Variants in PSG2 observed in about 807,000 individuals in gnomAD.
The protein encoded by PSG2 is pregnancy-specific beta-1-glycoprotein 2.
In PSG2, 49 loss-of-function variants were observed where a neutral mutation model predicts 36.2. The observed-to-expected ratio is 1.35, with a 90% CI of 1.08 to 1.72. The LOEUF (loss-of-function observed/expected upper bound fraction) is 1.72, where lower values mean the gene tolerates loss of function less well. PSG2 is among the 40% of genes most tolerant of loss of function. PSG2 has a pLI of 0.00. For synonymous variants in PSG2, 261 were observed against 155.6 expected (o/e 1.68, Z -5.04); for missense variants, 605 against 407.2 (o/e 1.49, Z -4.18).
Position 43,071,753 on chromosome 19 carries a change from C to G in PSG2, c.911G>C (p.Arg304Pro). Reference protein sequence around the residue: ...KHSGLYVCSVRNSATGEESST... With the variant: ...KHSGLYVCSVPNSATGEESST... ...GCTTTCCTCGCCAGTGGCTGAGTTA[C>G]GAACAGAGCAAACATAGAGCCCGCT... Residue 304 changes from arginine (R) to proline (P), a missense_variant, in exon 4 of 6, where the codon CGT becomes CCT. By Grantham distance (103) the Arg-to-Pro change is moderately radical (BLOSUM62 -2). Transcript: ENST00000406487. 2 of 1,612,708 alleles carry G rather than the reference C, an allele frequency of 1.2e-6. No homozygotes were observed. Among genetic ancestry groups the G allele is most frequent in the Non-Finnish European group, 8.5e-7 (1 of 1,179,352 alleles).
intron 3 of PSG2, among the ~76,000 whole-genome samples, chr19:43,074,831 C>T (rs1967867802): frequency 1.3e-5 from 2 of 151,716 alleles, no homozygotes; most frequent in South Asian, 2.1e-4. Context: ...ATTGCTGGAA[C>T]TTCCCATCAA....
chr19:43,069,441 A>T (rs1204009780), intron 4 of PSG2, among the ~76,000 whole-genome samples: 1 of 151,746 alleles, frequency 6.6e-6, no homozygotes, highest in Non-Finnish European at 1.5e-5. Flanking sequence ...GAGGACTCAC[A>T]CTTTCTGATT....
At chr19:43,067,736 G>A (rs1273637027) in intron 4 of PSG2, among the ~76,000 whole-genome samples, 4 of 151,370 alleles carry the variant, frequency 2.6e-5, no homozygotes, top group Non-Finnish European at 4.4e-5. Flanking sequence ...GTTCCTCTGT[G>A]TGTGGCATCT....
chr19:43,081,303 A>T lies in PSG2; in HGVS notation c.65-57T>A. On this transcript the variant is annotated intron_variant, in intron 1 of 5. Coordinates refer to ENST00000406487, the MANE Select transcript of PSG2 (RefSeq NM_031246.4). ...GAGACCTATGTATTGGGGTGAAAAG[A>T]TGGGGCCCTGGGTCCTGAGGAGGTC... 6 of 1,565,128 alleles carry T rather than the reference A, an allele frequency of 3.8e-6. No individual in the cohort carries two copies. In the South Asian group the frequency reaches 4.9e-5, roughly 13 times the overall value.
chr19:43,073,899 A>G (rs1165349540), intron 3 of PSG2, among the ~76,000 whole-genome samples: 3 of 151,754 alleles, frequency 2.0e-5, no homozygotes, highest in Non-Finnish European at 4.4e-5. Context: ...TGAAAGATTC[A>G]AAATCTAAAA....
chr19:43,082,048 C>T (rs1967984724), intron 1 of PSG2: 1 of 155,198 alleles, frequency 6.4e-6, no homozygotes, highest in Non-Finnish European at 1.4e-5. Flanking sequence ...GTTTTGACCC[C>T]TGTCCCTCTC....
intron 2 of PSG2, among the ~76,000 whole-genome samples, chr19:43,079,646 G>C (rs1207506938): frequency 6.6e-6 from 1 of 151,628 alleles, no homozygotes; most frequent in African/African-American, 2.4e-5. Context: ...TTCAGGTTCA[G>C]TGATGGGGGT....
intron 4 of PSG2, among the ~76,000 whole-genome samples, chr19:43,067,157 A>G (rs1321714051): frequency 1.3e-5 from 2 of 151,264 alleles, no homozygotes; most frequent in Non-Finnish European, 2.9e-5. Context: ...AGCCTTGCAA[A>G]AACTCTTAGA....
At chr19:43,068,931 G>C (rs538443461) in intron 4 of PSG2, among the ~76,000 whole-genome samples, 8 of 151,550 alleles carry the variant, frequency 5.3e-5, no homozygotes, top group Non-Finnish European at 1.5e-5. Flanking sequence ...AATTATTTCT[G>C]TTTATAGATA....
intron 1 of PSG2, chr19:43,082,214 C>A (rs1487755551): frequency 5.4e-5 from 16 of 297,112 alleles, no homozygotes; most frequent in Admixed American, 2.0e-4. Context: ...TATCTCGGCA[C>A]GCTGCAACTT....
chr19:43,066,223 T>C (rs1263548380), intron 5 of PSG2, among the ~76,000 whole-genome samples: 1 of 151,620 alleles, frequency 6.6e-6, no homozygotes, highest in Non-Finnish European at 1.5e-5. Context: ...AATTACACTA[T>C]TGAGAGATGT....
intron 2 of PSG2, among the ~76,000 whole-genome samples, chr19:43,079,449 G>A (rs998850082): frequency 1.5e-4 from 22 of 151,594 alleles, no homozygotes; most frequent in African/African-American, 4.9e-4. Context: ...CCAACATCCA[G>A]TCTCTAAAGA....
intron 1 of PSG2, chr19:43,081,748 T>C (rs1967979002): frequency 6.1e-6 from 1 of 164,102 alleles, no homozygotes; most frequent in African/African-American, 2.4e-5. Flanking sequence ...GGACAGGGAC[T>C]TTTGTGATCT....
intron 2 of PSG2, among the ~76,000 whole-genome samples, chr19:43,076,930 A>T (rs921828421): frequency 1.4e-5 from 2 of 145,854 alleles, no homozygotes; most frequent in Non-Finnish European, 2.9e-5. Flanking sequence ...TTTTAGCATC[A>T]CATCAGTGGT....
chr19:43,081,303 A>G, intron 1 of PSG2, 57 bp from the exon 2 acceptor site: 1 of 1,565,128 alleles, frequency 6.4e-7, no homozygotes, highest in Non-Finnish European at 8.6e-7. Flanking sequence ...GGGTGAAAAG[A>G]TGGGGCCCTG....
At position 43,076,006 on chromosome 19, in the gene PSG2, G is replaced by A. The variant is rs546094785; in HGVS notation, c.431-374C>T. Among the ~76,000 whole-genome samples, 22 of 151,628 alleles carry A rather than the reference G, an allele frequency of 1.5e-4. 1 individual carries two copies. Among genetic ancestry groups the A allele is most frequent in the Non-Finnish European group, 2.8e-4 (19 of 67,956 alleles). On this transcript the variant is annotated intron_variant, in intron 2 of 5. Transcript: ENST00000406487. ...CAGTGCTGGAATCTTCTTAGTTTCAGTCTTACTTTGCCCCCTGAGGTATGT... is the reference window on the plus strand; with the variant it reads ...CAGTGCTGGAATCTTCTTAGTTTCAATCTTACTTTGCCCCCTGAGGTATGT...
chr19:43,078,918 G>A (rs1312177085), intron 2 of PSG2, among the ~76,000 whole-genome samples: 2 of 151,652 alleles, frequency 1.3e-5, no homozygotes, highest in East Asian at 3.9e-4. Flanking sequence ...AGCCCTTGAT[G>A]GGAATACAGT....
At chr19:43,075,782 T>G (rs1314184303) in intron 2 of PSG2, 150 bp from the exon 3 acceptor site, 26 of 1,464,046 alleles carry the variant, frequency 1.8e-5, no homozygotes, top group Non-Finnish European at 2.1e-5. Context: ...GACAGATGCA[T>G]GGCAATCTGA....
At position 43,069,255 on chromosome 19, in the gene PSG2, A is replaced by G. The variant is rs572708537; in HGVS notation, c.964+2445T>C. 1.9e-3 allele frequency among the ~76,000 whole-genome samples: 294 copies of G among 151,848 alleles called. 4 individuals carry two copies. Among genetic ancestry groups the G allele is most frequent in the Non-Finnish European group, 2.9e-3 (196 of 67,968 alleles). On this transcript the variant is annotated intron_variant, in intron 4 of 5. Coordinates refer to ENST00000406487, the MANE Select transcript of PSG2 (RefSeq NM_031246.4). The stretch of plus-strand genomic sequence containing the variant: ...GGACATTTTGTTTTCATGAATTGGA[A>G]GACTCAATATTGTTAGGAGGACAGT...
Sources: gnomAD v4.1 joint callset for allele counts (sites outside exome capture counted in the v4.1 genomes callset) on GRCh38, gnomAD v4.1.1 for gene constraint, MANE v1.5 for transcripts, NCBI Gene and HGNC (gene_info 2026-07-23, HGNC 2026-07-21) for gene names.